The following ROBO2 variants were observed in gnomAD, a reference collection of about 807,000 sequenced individuals.
ROBO2 encodes roundabout guidance receptor 2, also known as roundabout homolog 2.
ROBO2 carries 53 observed loss-of-function variants against 160.8 expected under a neutral mutation model. The observed-to-expected ratio is 0.33, with a 90% CI of 0.26 to 0.41. ROBO2 has a LOEUF of 0.41. ROBO2 is among the 10% of genes least tolerant of loss of function. The probability of loss-of-function intolerance (pLI) is 1.00; values close to 1 mark genes in which losing one functional copy is unlikely to be tolerated. For missense variants in ROBO2, 1,577 were observed against 1,722.4 expected, an observed-to-expected ratio of 0.92 and a Z score of 1.49; for synonymous variants, 664 against 611.7, an observed-to-expected ratio of 1.09 and a Z score of -1.26.
intron 2 of ROBO2, among the ~76,000 whole-genome samples, chr3:76,569,410 T>A (rs1167470529): frequency 1.3e-5 from 2 of 152,180 alleles, no homozygotes; most frequent in African/African-American, 2.4e-5. Flanking sequence ...TCAATTGAGA[T>A]CAAGGCTTGT....
At chr3:76,668,489 A>G (rs192627857) in intron 2 of ROBO2, among the ~76,000 whole-genome samples, 208 of 152,248 alleles carry the variant, frequency 1.4e-3, no homozygotes, top group South Asian at 9.5e-3. Flanking sequence ...TTAGATCTGG[A>G]TAATTTATGT....
chr3:76,996,982 T>A (rs916837298), intron 2 of ROBO2, among the ~76,000 whole-genome samples: 2 of 152,280 alleles, frequency 1.3e-5, no homozygotes, highest in East Asian at 3.9e-4. Flanking sequence ...TATAAGTTAA[T>A]GAGATGAGTA....
chr3:77,267,061 TATTCTC>T (rs1160215971), intron 2 of ROBO2, among the ~76,000 whole-genome samples: 1 of 152,178 alleles, frequency 6.6e-6, no homozygotes, highest in Non-Finnish European at 1.5e-5. Context: ...TTATGAAAGA[TATTCTC>T]AGACTCACAA....
intron 2 of ROBO2, among the ~76,000 whole-genome samples, chr3:76,721,727 A>G (rs1352906902): frequency 1.3e-5 from 2 of 152,212 alleles, no homozygotes; most frequent in Non-Finnish European, 2.9e-5. Flanking sequence ...CTACCACACT[A>G]TTCTTTTTAT....
intron 2 of ROBO2, among the ~76,000 whole-genome samples, chr3:76,763,809 A>G (rs1022285829): frequency 6.6e-6 from 1 of 151,708 alleles, no homozygotes; most frequent in Non-Finnish European, 1.5e-5. Context: ...AACTGCTGCC[A>G]TTGCTGCTGC....
chr3:77,365,327 G>T (rs138726920), intron 2 of ROBO2, among the ~76,000 whole-genome samples: 2 of 152,212 alleles, frequency 1.3e-5, no homozygotes, highest in Non-Finnish European at 1.5e-5. Flanking sequence ...ACATCCTTGT[G>T]TTAAGGATCT....
chr3:76,521,503 A>G (rs1577858376), intron 2 of ROBO2, among the ~76,000 whole-genome samples: 1 of 152,238 alleles, frequency 6.6e-6, no homozygotes, highest in Non-Finnish European at 1.5e-5. Context: ...AGTTTTGAAA[A>G]CAGATTTATC....
chr3:75,908,507 T>G (rs1285760116), intron 1 of ROBO2, among the ~76,000 whole-genome samples: 1 of 152,078 alleles, frequency 6.6e-6, no homozygotes, highest in African/African-American at 2.4e-5. Flanking sequence ...AATTATTATG[T>G]TATAAACTTA....
intron 6 of ROBO2, among the ~76,000 whole-genome samples, chr3:77,530,794 A>T (rs920070322): frequency 6.6e-6 from 1 of 152,042 alleles, no homozygotes; most frequent in Non-Finnish European, 1.5e-5. Flanking sequence ...AGAAAAGTAC[A>T]TCGTAGGATG....
chr3:77,289,695 A>G (rs1214811237), intron 2 of ROBO2, among the ~76,000 whole-genome samples: 2 of 151,262 alleles, frequency 1.3e-5, no homozygotes, highest in African/African-American at 4.9e-5. Context: ...CTAGAACACT[A>G]AAGACATAAA....
At chr3:76,603,351 A>AAATATAT (rs1553826368) in intron 2 of ROBO2, among the ~76,000 whole-genome samples, 25 of 26,402 alleles carry the variant, frequency 9.5e-4, no homozygotes, top group Middle Eastern at 0.033. Flanking sequence ...AAAAAAAAAA[A>AAATATAT]ATATATATAT....
intron 2 of ROBO2, among the ~76,000 whole-genome samples, chr3:76,874,896 A>AGATAT (rs1559635678): frequency 6.6e-6 from 1 of 152,210 alleles, no homozygotes; most frequent in African/African-American, 2.4e-5. Context: ...CACATGGTTG[A>AGATAT]GATATGATAT....
chr3:77,423,250 A>T (rs1448342719), intron 2 of ROBO2, among the ~76,000 whole-genome samples: 4 of 152,132 alleles, frequency 2.6e-5, no homozygotes, highest in African/African-American at 9.7e-5. Flanking sequence ...AAAAGACTAG[A>T]TGAATTACTA....
At chr3:76,939,339 A>C (rs1214917431) in intron 2 of ROBO2, among the ~76,000 whole-genome samples, 2 of 152,244 alleles carry the variant, frequency 1.3e-5, no homozygotes, top group Non-Finnish European at 2.9e-5. Context: ...TAAATTATCA[A>C]AATTCTGATT....
At position 76,873,343 on chromosome 3, in the gene ROBO2, A is replaced by G. The variant is rs370803395; in HGVS notation, c.110-224671A>G. Among the ~76,000 whole-genome samples, 46 of 152,344 alleles carry G rather than the reference A, an allele frequency of 3.0e-4. No individual in the cohort carries two copies. The South Asian group carries it at 9.5e-3, about 32-fold the overall frequency. Reference sequence around the variant, plus strand: ...TTTATTTTTAAATCTAGCATCCAGAATCTATACACATTCCTAAGAACATCC... The same window carrying G: ...TTTATTTTTAAATCTAGCATCCAGAGTCTATACACATTCCTAAGAACATCC... On this transcript the variant is annotated intron_variant, in intron 2 of 26. Transcript: ENST00000487694.
At chr3:76,741,569 A>C (rs1011697339) in intron 2 of ROBO2, among the ~76,000 whole-genome samples, 10 of 152,042 alleles carry the variant, frequency 6.6e-5, no homozygotes, top group Non-Finnish European at 1.2e-4. Context: ...TTGATTGAGG[A>C]GGTAATAAAA....
intron 2 of ROBO2, among the ~76,000 whole-genome samples, chr3:77,119,024 T>A (rs547017341): frequency 6.6e-6 from 1 of 152,218 alleles, no homozygotes; most frequent in South Asian, 2.1e-4. Context: ...GGGTGAGGGT[T>A]CCTGTGTGCT....
intron 2 of ROBO2, among the ~76,000 whole-genome samples, chr3:76,580,293 C>T (rs1157271814): frequency 3.8e-5 from 5 of 131,930 alleles, no homozygotes; most frequent in African/African-American, 1.4e-4. Context: ...TAGCTTCTCT[C>T]CCCCAACTGC....
Position 77,020,500 on chromosome 3 carries a change from C to T in ROBO2, c.110-77514C>T, listed in dbSNP as rs541136497. On this transcript the variant is annotated intron_variant, in intron 2 of 26. Coordinates refer to the ROBO2 transcript ENST00000487694. ...ACTAATGAAGCCATAAAAAATTTGC[C>T]CAATGACTCTTAGAAAAAAATGTTC... Among the ~76,000 whole-genome samples, 21 of 152,112 alleles carry T rather than the reference C, an allele frequency of 1.4e-4. No individual in the cohort carries two copies. In the South Asian group the frequency reaches 4.4e-3, roughly 32 times the overall value.
Sources: allele counts gnomAD v4.1 joint callset (sites outside exome capture counted in the v4.1 genomes callset), GRCh38; gene constraint gnomAD v4.1.1; transcripts MANE v1.5; gene names NCBI Gene and HGNC (gene_info 2026-07-23, HGNC 2026-07-21).